PARD3B: variants seen among roughly 807,000 people sequenced by gnomAD.
PARD3B encodes par-3 family cell polarity regulator beta.
A neutral mutation model predicts 130.2 loss-of-function variants in PARD3B; 103 were observed. That is an observed-to-expected ratio of 0.79 (90% CI 0.67 to 0.93). PARD3B has a LOEUF of 0.93. Ranked by LOEUF, PARD3B falls within the 40% of genes least tolerant of loss-of-function variation. The probability of loss-of-function intolerance (pLI) is 0.00; values close to 1 mark genes in which losing one functional copy is unlikely to be tolerated. For synonymous variants in PARD3B, 583 were observed against 553.2 expected (o/e 1.05, Z -0.76); for missense variants, 1,609 against 1,499.2 (o/e 1.07, Z -1.21).
intron 1 of PARD3B, among the ~76,000 whole-genome samples, chr2:204,626,101 T>C (rs957371243): frequency 2.0e-5 from 3 of 152,158 alleles, no homozygotes; most frequent in Non-Finnish European, 4.4e-5. Context: ...TTTATAGGAG[T>C]ACTTAAAATT....
chr2:205,362,684 G>C lies in PARD3B; in HGVS notation c.2631-38329G>C, dbSNP rs112287149. Among the ~76,000 whole-genome samples, 9 of 152,254 alleles carry C rather than the reference G, an allele frequency of 5.9e-5. 1 individual carries two copies. The highest frequency in any genetic ancestry group is 2.2e-4 in the African/African-American group (9 of 41,546). ...CTTGTCAAAGCAGTCACCTTCATTAGCTTGTACTACTAGTTTATGTGACAT... is the reference window on the plus strand; with the variant it reads ...CTTGTCAAAGCAGTCACCTTCATTACCTTGTACTACTAGTTTATGTGACAT... On this transcript the variant is annotated intron_variant, in intron 18 of 22. Coordinates refer to ENST00000406610, the MANE Select transcript of PARD3B (RefSeq NM_001302769.2).
chr2:204,993,822 C>T (rs1467915204), intron 3 of PARD3B, among the ~76,000 whole-genome samples: 5 of 150,562 alleles, frequency 3.3e-5, no homozygotes, highest in Admixed American at 6.6e-5. Flanking sequence ...TTGTATGTGT[C>T]GAGGAATGTA....
In PARD3B at chr2:205,119,061, ATT is replaced by A. The variant is rs781253631; in HGVS notation, c.806+16_806+17del. The A allele has an allele frequency of 2.5e-6, 4 of 1,593,692 alleles. No individual in the cohort carries two copies. The highest frequency in any genetic ancestry group is 1.8e-5 in the Admixed American group (1 of 55,600). On this transcript the variant is annotated intron_variant, in intron 7 of 22. Transcript: ENST00000406610. Reference sequence around the variant, plus strand: ...ACCTTTGCTCAGTAAGCATTTTTTCATTGTTTTATTTACTTTCTTGATCCCTA... The same window carrying A: ...ACCTTTGCTCAGTAAGCATTTTTTCAGTTTTATTTACTTTCTTGATCCCTA...
At position 204,743,508 on chromosome 2, in the gene PARD3B, C is replaced by T. The variant is rs181792932; in HGVS notation, c.222+57226C>T. On this transcript the variant is annotated intron_variant, in intron 2 of 22. Transcript: ENST00000406610. The stretch of plus-strand genomic sequence containing the variant: ...TGTGGCATTTACTGGTAAGGTTTCT[C>T]ATCATGTGCATGTGAAGAGAAAAGA... 1.3e-4 allele frequency among the ~76,000 whole-genome samples: 20 copies of T among 152,204 alleles called. No individual in the cohort carries two copies. In the East Asian group the frequency reaches 2.5e-3, roughly 19 times the overall value.
At chr2:205,538,590 TTCTC>T (rs1463895813) in intron 21 of PARD3B, among the ~76,000 whole-genome samples, 5 of 151,828 alleles carry the variant, frequency 3.3e-5, no homozygotes, top group Non-Finnish European at 7.4e-5. Flanking sequence ...AAAGTAAGAG[TTCTC>T]TCTCTATAAT....
chr2:205,186,676 T>G (rs1196789218), intron 14 of PARD3B, among the ~76,000 whole-genome samples: 1 of 152,150 alleles, frequency 6.6e-6, no homozygotes, highest in Non-Finnish European at 1.5e-5. Context: ...CTAACTGTAT[T>G]AGGTGGAAGC....
intron 2 of PARD3B, among the ~76,000 whole-genome samples, chr2:204,858,728 C>T (rs2045058920): frequency 1.3e-5 from 2 of 148,512 alleles, no homozygotes; most frequent in African/African-American, 4.9e-5. Context: ...ATTTGTTCTA[C>T]AACAGTAACA....
Position 205,121,828 on chromosome 2 carries a change from A to G in PARD3B, c.1044A>G (p.Gln348=), listed in dbSNP as rs1396733432. 2 of 1,614,044 alleles carry G rather than the reference A, an allele frequency of 1.2e-6. No individual in the cohort carries two copies. Among genetic ancestry groups the G allele is most frequent in the African/African-American group, 2.7e-5 (2 of 74,934 alleles). Residue 348 remains glutamine, a synonymous_variant, in exon 8 of 23, where the codon CAA becomes CAG. Coordinates refer to ENST00000406610, the MANE Select transcript of PARD3B (RefSeq NM_001302769.2). The surrounding 1 kb of genome is among the most constrained non-coding windows in gnomAD (Gnocchi z 5.0). ...SPETDASASL[Q]QNKSPRVPRL... is the part of the protein sequence containing the mutation. ...AAACAGATGCATCAGCTTCCCTGCA[A>G]CAAAACAAGAGTCCCCGAGTACCAA...
At chr2:204,758,485 A>G (rs750193085) in intron 2 of PARD3B, among the ~76,000 whole-genome samples, 2 of 152,198 alleles carry the variant, frequency 1.3e-5, no homozygotes, top group Non-Finnish European at 2.9e-5. Flanking sequence ...ATGTCTATGA[A>G]TGTGATAATC....
chr2:205,054,783 A>T (rs569957465), intron 4 of PARD3B, among the ~76,000 whole-genome samples: 1 of 152,084 alleles, frequency 6.6e-6, no homozygotes. Flanking sequence ...TCCTCAAGAA[A>T]CTTACAACCT....
chr2:205,201,159 A>T (rs1320949299), intron 15 of PARD3B, among the ~76,000 whole-genome samples: 7 of 152,222 alleles, frequency 4.6e-5, no homozygotes, highest in Non-Finnish European at 7.3e-5. Context: ...GAATAAAGAT[A>T]TTATGCCTGA....
At chr2:204,790,062 G>A (rs2042147943) in intron 2 of PARD3B, among the ~76,000 whole-genome samples, 1 of 152,070 alleles carries the variant, frequency 6.6e-6, no homozygotes, top group Admixed American at 6.5e-5. Context: ...AGTAGAGACA[G>A]GGTTTCACCG....
At chr2:205,330,035 A>AAATAAAT (rs1400429684) in intron 18 of PARD3B, among the ~76,000 whole-genome samples, 551 of 7,842 alleles carry the variant, frequency 0.07, 3 homozygotes, top group Middle Eastern at 0.25. Flanking sequence ...ATAAATAAAT[A>AAATAAAT]AAATAAAATA....
chr2:205,612,271 G>C (rs1211179364), intron 22 of PARD3B, among the ~76,000 whole-genome samples: 1 of 151,988 alleles, frequency 6.6e-6, no homozygotes, highest in Non-Finnish European at 1.5e-5. Context: ...TCCTGCCTTA[G>C]CCTCCCGAGT....
At chr2:204,916,193 T>C (rs1412131236) in intron 2 of PARD3B, among the ~76,000 whole-genome samples, 3 of 152,254 alleles carry the variant, frequency 2.0e-5, no homozygotes, top group African/African-American at 7.2e-5. Context: ...ATTATCTATG[T>C]ACTTTTCATT....
At position 205,015,288 on chromosome 2, in the gene PARD3B, G is replaced by T. The variant is rs191926516; in HGVS notation, c.395-32293G>T. Among the ~76,000 whole-genome samples, 1 of 152,190 alleles carries T rather than the reference G, an allele frequency of 6.6e-6. No homozygotes were observed. The highest frequency in any genetic ancestry group is 1.9e-4 in the East Asian group (1 of 5,174). On this transcript the variant is annotated intron_variant, in intron 3 of 22. Coordinates refer to ENST00000406610, the MANE Select transcript of PARD3B (RefSeq NM_001302769.2). This position sits in a 1 kb window ranked among gnomAD's most constrained non-coding sequence, Gnocchi z 4.5. ...TAAATGGAAGTAGATCAATATAAAGGTCTTCATCCTCATCATCTGCCTGTT... is the reference window on the plus strand; with the variant it reads ...TAAATGGAAGTAGATCAATATAAAGTTCTTCATCCTCATCATCTGCCTGTT...
At chr2:204,745,091 C>T (rs2040159465) in intron 2 of PARD3B, among the ~76,000 whole-genome samples, 1 of 152,124 alleles carries the variant, frequency 6.6e-6, no homozygotes, top group Non-Finnish European at 1.5e-5. Flanking sequence ...GTTGAGGTCT[C>T]AATGTTCTAG....
At chr2:205,314,770 GC>G (rs553277973) in intron 18 of PARD3B, among the ~76,000 whole-genome samples, 127 of 152,238 alleles carry the variant, frequency 8.3e-4, no homozygotes, top group African/African-American at 2.8e-3. Context: ...CTGCACAGTG[GC>G]CCTGCCACAA....
At chr2:204,761,441 C>T (rs1200011234) in intron 2 of PARD3B, among the ~76,000 whole-genome samples, 3 of 152,140 alleles carry the variant, frequency 2.0e-5, no homozygotes, top group African/African-American at 4.8e-5. Flanking sequence ...GTTGCTCAAT[C>T]AGTCCTTAAG....
Sources: allele counts gnomAD v4.1 joint callset (sites outside exome capture counted in the v4.1 genomes callset), GRCh38; gene constraint gnomAD v4.1.1; non-coding constraint Gnocchi (gnomAD v3.1); transcripts MANE v1.5; gene names NCBI Gene and HGNC (gene_info 2026-07-23, HGNC 2026-07-21).